ARID1B: variants seen among roughly 807,000 people sequenced by gnomAD.
ARID1B encodes the protein AT-rich interactive domain-containing protein 1B.
In ARID1B, 30 loss-of-function variants were observed where a neutral mutation model predicts 212.3. The observed-to-expected ratio is 0.14, with a 90% CI of 0.11 to 0.19. ARID1B has a LOEUF of 0.19. ARID1B is among the 10% of genes least tolerant of loss of function. The pLI is 1.00. For synonymous variants in ARID1B, 1,402 were observed against 1,301.7 expected (o/e 1.08, Z -1.66); for missense variants, 2,891 against 3,204.0 (o/e 0.90, Z 2.36).
At chr6:157,007,377 TTTAA>T (rs1779308808) in intron 4 of ARID1B, among the ~76,000 whole-genome samples, 1 of 152,250 alleles carries the variant, frequency 6.6e-6, no homozygotes, top group Non-Finnish European at 1.5e-5. Context: ...TTTTCTGCTC[TTTAA>T]TTGTTTAATA....
chr6:156,851,785 C>T (rs1421293062), intron 2 of ARID1B, among the ~76,000 whole-genome samples: 1 of 152,186 alleles, frequency 6.6e-6, no homozygotes, highest in Non-Finnish European at 1.5e-5. Context: ...TGAAAAAGCC[C>T]AGCACATACT....
chr6:157,012,173 A>G (rs1583142314), intron 4 of ARID1B, among the ~76,000 whole-genome samples: 1 of 152,368 alleles, frequency 6.6e-6, no homozygotes, highest in East Asian at 1.9e-4. Flanking sequence ...TGTAATTAAG[A>G]CAAAGGAAAA....
intron 1 of ARID1B, 103 bp from the exon 2 acceptor site, chr6:156,829,124 T>G (rs1782961072): frequency 1.1e-6 from 1 of 950,228 alleles, no homozygotes; most frequent in African/African-American, 1.6e-5. Context: ...TTTTTAAAAC[T>G]TAAGGATAGT....
chr6:156,795,284 G>A (rs1011636135), intron 1 of ARID1B, among the ~76,000 whole-genome samples: 8 of 152,090 alleles, frequency 5.3e-5, no homozygotes, highest in Admixed American at 5.2e-4. Context: ...AGATTCGCTG[G>A]GGTTTACGAG....
At chr6:156,892,529 C>A (rs1316028578) in intron 2 of ARID1B, among the ~76,000 whole-genome samples, 1 of 152,136 alleles carries the variant, frequency 6.6e-6, no homozygotes, top group Middle Eastern at 3.2e-3. Context: ...TATACATATG[C>A]CACCAATATT....
At chr6:156,849,253 C>T (rs527751263) in intron 2 of ARID1B, among the ~76,000 whole-genome samples, 1 of 152,274 alleles carries the variant, frequency 6.6e-6, no homozygotes, top group East Asian at 1.9e-4. Context: ...CCTGGGAGTA[C>T]TTAGAAAACC....
intron 4 of ARID1B, among the ~76,000 whole-genome samples, chr6:157,082,613 C>T (rs1410796016): frequency 1.3e-5 from 2 of 152,210 alleles, no homozygotes; most frequent in East Asian, 1.9e-4. Flanking sequence ...CTCACAGGTA[C>T]ACTTGTAGCT....
At chr6:157,132,911 A>C (rs1047883453) in intron 6 of ARID1B, 117 bp from the exon 7 acceptor site, 11 of 1,139,314 alleles carry the variant, frequency 9.7e-6, no homozygotes, top group Non-Finnish European at 1.3e-5. Context: ...TTTTAGGAGA[A>C]TCTTATGGTA....
At chr6:157,087,516 C>A (rs71578599) in intron 5 of ARID1B, among the ~76,000 whole-genome samples, 7 of 152,206 alleles carry the variant, frequency 4.6e-5, no homozygotes, top group South Asian at 2.1e-4. Context: ...GAGACAGGTA[C>A]ATGCGGAGCA....
At chr6:156,834,573 AAC>A (rs1263654804) in intron 2 of ARID1B, among the ~76,000 whole-genome samples, 1 of 152,230 alleles carries the variant, frequency 6.6e-6, no homozygotes, top group East Asian at 1.9e-4. Context: ...TACATATATA[AAC>A]ACACAAATGA....
At chr6:156,927,929 T>C (rs908844134) in intron 3 of ARID1B, among the ~76,000 whole-genome samples, 1 of 152,160 alleles carries the variant, frequency 6.6e-6, no homozygotes, top group Non-Finnish European at 1.5e-5. Flanking sequence ...GCATTCTAAG[T>C]TCTTTAAGAG....
chr6:156,945,019 T>A (rs1465928348), intron 4 of ARID1B, among the ~76,000 whole-genome samples: 1 of 150,232 alleles, frequency 6.7e-6, no homozygotes, highest in African/African-American at 2.4e-5. Context: ...GCCTCCCAGG[T>A]TCCTGCCATT....
chr6:157,136,502 A>G (rs1371099012), intron 7 of ARID1B, among the ~76,000 whole-genome samples: 3 of 152,204 alleles, frequency 2.0e-5, no homozygotes, highest in Non-Finnish European at 4.4e-5. Context: ...GCCACTAGGG[A>G]TATAAAACCA....
rs181913001 is a variant in ARID1B at position 156,935,086 on chromosome 6, T to C, written c.2137-380T>C. Among the ~76,000 whole-genome samples the C allele has an allele frequency of 3.1e-3, 473 of 151,572 alleles. 4 individuals are homozygous for C. The highest frequency in any genetic ancestry group is 0.011 in the African/African-American group (448 of 41,272). On this transcript the variant is annotated intron_variant, in intron 3 of 19. Coordinates refer to ENST00000636930, the MANE Select transcript of ARID1B (RefSeq NM_001374828.1). ...AACAGTTGTTGGTTGTGATAAGCTT[T>C]TGTTTTGTTTTGTTCTGTTTTGTTT...
chr6:156,803,968 A>G (rs1345179258), intron 1 of ARID1B, among the ~76,000 whole-genome samples: 1 of 152,222 alleles, frequency 6.6e-6, no homozygotes, highest in Non-Finnish European at 1.5e-5. Context: ...ATAAGTGTTC[A>G]TTAAATGTTA....
chr6:156,886,978 C>T (rs1006272788), intron 2 of ARID1B, among the ~76,000 whole-genome samples: 1 of 152,190 alleles, frequency 6.6e-6, no homozygotes, highest in Non-Finnish European at 1.5e-5. Context: ...GTTCCACTGA[C>T]CCTACCTTTG....
chr6:156,992,767 A>G (rs1778345984), intron 4 of ARID1B, among the ~76,000 whole-genome samples: 1 of 152,154 alleles, frequency 6.6e-6, no homozygotes, highest in African/African-American at 2.4e-5. Context: ...AGTGGGTTGC[A>G]GGCACTGTGC....
At chr6:157,192,900 A>G (rs1470674543) in intron 15 of ARID1B, among the ~76,000 whole-genome samples, 1 of 152,130 alleles carries the variant, frequency 6.6e-6, no homozygotes, top group Non-Finnish European at 1.5e-5. Context: ...CTGATTTTTT[A>G]TTTAATGACT....
At chr6:156,890,878 A>C (rs966277261) in intron 2 of ARID1B, among the ~76,000 whole-genome samples, 2 of 152,024 alleles carry the variant, frequency 1.3e-5, no homozygotes. Flanking sequence ...GAAATTGTGG[A>C]GTTTTTGTTG....
Sources: allele counts gnomAD v4.1 joint callset (sites outside exome capture counted in the v4.1 genomes callset), GRCh38; gene constraint gnomAD v4.1.1; transcripts MANE v1.5; gene names NCBI Gene and HGNC (gene_info 2026-07-23, HGNC 2026-07-21).